Variants in ODC1 observed in about 807,000 individuals in gnomAD.
ODC1 encodes the protein ornithine decarboxylase 1.
A neutral mutation model predicts 41.5 loss-of-function variants in ODC1; 18 were observed. The observed-to-expected ratio is 0.43, with a 90% CI of 0.30 to 0.64. The LOEUF (loss-of-function observed/expected upper bound fraction) is 0.64, where lower values mean the gene tolerates loss of function less well. ODC1 is among the 30% of genes least tolerant of loss of function. The pLI, the probability that ODC1 is intolerant of heterozygous loss-of-function variation, is 0.11. For synonymous variants in ODC1, 218 were observed against 211.6 expected, an observed-to-expected ratio of 1.03 and a Z score of -0.26; for missense variants, 504 against 589.0, an observed-to-expected ratio of 0.86 and a Z score of 1.49.
At chr2:10,446,083 C>T (rs1352441562) in intron 1 of ODC1, among the ~76,000 whole-genome samples, 3 of 151,392 alleles carry the variant, frequency 2.0e-5, no homozygotes, top group Non-Finnish European at 2.9e-5. Flanking sequence ...ATCTTCAAGT[C>T]AACTTATCAC....
At position 10,445,021 on chromosome 2, in the gene ODC1, A is replaced by G. The variant is rs758358672; in HGVS notation, c.12T>C (p.Phe4=). Residue 4 remains phenylalanine, a synonymous_variant, in exon 3 of 12, where the codon TTT becomes TTC. Transcript: ENST00000234111. ...AGTGGCAGTCAAACTCTTCATTACC[A>G]AAGTTGTTCATGATTTCTTGATGTT... MNN[F]GNEEFDCHFL... 1.9e-6 allele frequency: 3 copies of G among 1,610,972 alleles called. No individual in the cohort carries two copies. Among genetic ancestry groups the G allele is most frequent in the African/African-American group, 1.3e-5 (1 of 74,884 alleles).
intron 1 of ODC1, among the ~76,000 whole-genome samples, chr2:10,447,292 T>A (rs1672056200): frequency 1.3e-5 from 2 of 152,240 alleles, no homozygotes; most frequent in Non-Finnish European, 2.9e-5. Context: ...AGATAGGGGC[T>A]AATTCAAACA....
At position 10,442,478 on chromosome 2, in the gene ODC1, C is replaced by T. The variant is rs550659631; in HGVS notation, c.751-304G>A. Among the ~76,000 whole-genome samples, 179 of 152,320 alleles carry T rather than the reference C, an allele frequency of 1.2e-3. 1 individual carries two copies. Among genetic ancestry groups the T allele is most frequent in the African/African-American group, 4.1e-3 (169 of 41,566 alleles). Reference sequence around the variant, plus strand: ...CTAGGAAGGCATCAAGATGTCAAAACATTTTAACAAATACATGCCAACAGG... The same window carrying T: ...CTAGGAAGGCATCAAGATGTCAAAATATTTTAACAAATACATGCCAACAGG... On this transcript the variant is annotated intron_variant, in intron 8 of 11. Transcript: ENST00000234111.
chr2:10,443,136 T>C (rs1248975202), intron 8 of ODC1, 94 bp downstream of exon 8: 10 of 911,544 alleles, frequency 1.1e-5, no homozygotes, highest in Middle Eastern at 2.2e-4. Context: ...CTTCAGCCCA[T>C]TGTGGTATTA....
rs1419748097 is a variant in ODC1 at position 10,440,696 on chromosome 2, T to G, written c.*28A>C. 1.2e-6 allele frequency: 2 copies of G among 1,602,946 alleles called. No individual in the cohort carries two copies. Among genetic ancestry groups the G allele is most frequent in the Non-Finnish European group, 1.7e-6 (2 of 1,173,044 alleles). On this transcript the variant is annotated 3_prime_UTR_variant, in exon 12 of 12. Transcript: ENST00000234111. ...CCAAATCCCTTAATTCAAGCTAAACTTGCAGTTAACAGCTACCAGAGTGCT... is the reference window on the plus strand; with the variant it reads ...CCAAATCCCTTAATTCAAGCTAAACGTGCAGTTAACAGCTACCAGAGTGCT...
In ODC1 at chr2:10,441,810, A is replaced by G. The variant is rs1671830089; in HGVS notation, c.1026+7T>C. 1.2e-6 allele frequency: 2 copies of G among 1,613,870 alleles called. No homozygotes were observed. The highest frequency in any genetic ancestry group is 1.1e-5 in the South Asian group (1 of 91,066). On this transcript the variant is annotated splice_region_variant and intron_variant, in intron 10 of 11. Transcript: ENST00000234111. ...TAATTGTTTTATACAGTATGCTCAGAAATTACCTTTTGCAGAAGGGGCTTT... is the reference window on the plus strand; with the variant it reads ...TAATTGTTTTATACAGTATGCTCAGGAATTACCTTTTGCAGAAGGGGCTTT...
chr2:10,447,721 T>A (rs1308832489), intron 1 of ODC1: 1 of 151,970 alleles, frequency 6.6e-6, no homozygotes, highest in African/African-American at 2.4e-5. Flanking sequence ...CGGGGCCCGC[T>A]CGTCTGTACC....
Position 10,441,969 on chromosome 2 carries a change from C to T in ODC1, c.914-40G>A, listed in dbSNP as rs1443542434. 1.9e-6 allele frequency: 3 copies of T among 1,613,148 alleles called. No homozygotes were observed. The Admixed American group carries it at 5.0e-5, about 27-fold the overall frequency. ...CAACAATCTTAATGACTTTTTGCAT[C>T]AGCTTTCAGTTATACATGAAGTGAT... On this transcript the variant is annotated intron_variant, in intron 9 of 11. Transcript: ENST00000234111.
intron 5 of ODC1, 42 bp downstream of exon 5, chr2:10,444,053 C>T (rs778209327): frequency 2.6e-6 from 4 of 1,537,756 alleles, no homozygotes; most frequent in Admixed American, 2.1e-5. Flanking sequence ...ATCCACATAT[C>T]TTATGCTCCC....
rs769934788 is a variant in ODC1, at chr2:10,442,127, G to A, written c.798C>T (p.Asp266=). The A allele has an allele frequency of 6.2e-7, 1 of 1,613,944 alleles. No homozygotes were observed. Among genetic ancestry groups the A allele is most frequent in the Non-Finnish European group, 8.5e-7 (1 of 1,179,958 alleles). ...NPALDKYFPS[D]SGVRIIAEPG... ...GCTCAGCTATGATTCTCACTCCAGA[G>A]TCTGACGGAAAGTATTTGTCCAACG... is the stretch of plus-strand genomic sequence containing the variant. Residue 266 remains aspartate (D), a synonymous_variant, in exon 9 of 12, where the codon GAC becomes GAT. Coordinates refer to ENST00000234111, the MANE Select transcript of ODC1 (RefSeq NM_002539.3).
chr2:10,440,899 C>A (rs1302834977), intron 11 of ODC1, 31 bp from the exon 12 acceptor site: 1 of 1,612,940 alleles, frequency 6.2e-7, no homozygotes, highest in Admixed American at 1.7e-5. Flanking sequence ...TATTAAAAAC[C>A]CTGACTCACT....
At chr2:10,441,461 G>A in intron 11 of ODC1, 48 bp downstream of exon 11, 1 of 1,564,838 alleles carries the variant, frequency 6.4e-7, no homozygotes, top group East Asian at 2.3e-5. Flanking sequence ...ACACATCCAA[G>A]AAGGTGCCTA....
intron 8 of ODC1, among the ~76,000 whole-genome samples, chr2:10,442,517 T>C (rs1021332400): frequency 3.3e-5 from 5 of 152,230 alleles, no homozygotes; most frequent in Admixed American, 6.5e-5. Context: ...AAAATCCTAT[T>C]CTGCCTACGT....
At chr2:10,443,354 A>C (rs889771030) in intron 7 of ODC1, 41 bp from the exon 8 acceptor site, 2 of 1,589,960 alleles carry the variant, frequency 1.3e-6, no homozygotes, top group Non-Finnish European at 1.7e-6. Flanking sequence ...CACAGCTAAT[A>C]ACAAAAATGT....
At chr2:10,444,676 A>C in intron 3 of ODC1, 29 bp from the exon 4 acceptor site, 2 of 1,592,784 alleles carry the variant, frequency 1.3e-6, no homozygotes, top group South Asian at 2.3e-5. Flanking sequence ...CAGGTGACTC[A>C]CTAGCAGCCT....
At chr2:10,447,092 A>T (rs1241815568) in intron 1 of ODC1, among the ~76,000 whole-genome samples, 1 of 152,216 alleles carries the variant, frequency 6.6e-6, no homozygotes, top group Non-Finnish European at 1.5e-5. Context: ...GGCAATGTTC[A>T]GGCCTAAACT....
rs1483263101 is a variant in ODC1, at chr2:10,445,011, C to T, written c.22G>A (p.Glu8Lys). Residue 8 changes from glutamate (E) to lysine (K), a missense_variant, in exon 3 of 12, where the codon GAG (glutamate) becomes AAG (lysine). Coordinates refer to ENST00000234111, the MANE Select transcript of ODC1 (RefSeq NM_002539.3). The part of the protein sequence containing the change: MNNFGNE[E>K]FDCHFLDEGF... ...TCATCGAGGAAGTGGCAGTCAAACT[C>T]TTCATTACCAAAGTTGTTCATGATT... The T allele has an allele frequency of 6.2e-7, 1 of 1,612,752 alleles. No individual in the cohort carries two copies. Among genetic ancestry groups the T allele is most frequent in the Non-Finnish European group, 8.5e-7 (1 of 1,178,766 alleles).
rs762066558 is a variant in ODC1, at chr2:10,443,543, G to C, written c.613C>G (p.Pro205Ala). 1 of 1,614,020 alleles carries C rather than the reference G, an allele frequency of 6.2e-7. No individual in the cohort carries two copies. Among genetic ancestry groups the C allele is most frequent in the South Asian group, 1.1e-5 (1 of 91,086 alleles). The change falls in exon 7 of 12, where the codon CCT becomes GCT. Residue 205 changes from proline to alanine, a missense_variant. Pro to Ala is a conservative substitution (Grantham distance 27). Around this residue, in one of 3 missense-constraint regions of ODC1, gnomAD observed 447 missense variants for 524.4 expected, o/e 0.85. Coordinates refer to ENST00000234111, the MANE Select transcript of ODC1 (RefSeq NM_002539.3). The part of the protein sequence containing the change: ...SFHVGSGCTD[P>A]ETFVQAISDA... ...GAGATTGCCTGCACGAAGGTCTCAG[G>C]ATCGGTACAGCCGCTTCCTACATGG...
Position 10,443,531 on chromosome 2 carries a change from C to A in ODC1, c.625G>T (p.Val209Leu), listed in dbSNP as rs1438106441. 2 of 1,613,878 alleles carry A rather than the reference C, an allele frequency of 1.2e-6. No homozygotes were observed. Among genetic ancestry groups the A allele is most frequent in the African/African-American group, 1.3e-5 (1 of 74,904 alleles). Residue 209 changes from valine (V) to leucine (L), a missense_variant, in exon 7 of 12, where the codon GTG becomes TTG. Val to Leu is a conservative substitution (Grantham distance 32, BLOSUM62 1). Around this residue, in one of 3 missense-constraint regions of ODC1, gnomAD observed 447 missense variants for 524.4 expected, o/e 0.85. Coordinates refer to ENST00000234111, the MANE Select transcript of ODC1 (RefSeq NM_002539.3). The stretch of plus-strand genomic sequence containing the variant: ...CAGCGGGCATCAGAGATTGCCTGCA[C>A]GAAGGTCTCAGGATCGGTACAGCCG... Reference protein sequence around the residue: ...GSGCTDPETFVQAISDARCVF... With the variant: ...GSGCTDPETFLQAISDARCVF...
Sources: gnomAD v4.1 joint callset for allele counts (sites outside exome capture counted in the v4.1 genomes callset) on GRCh38, gnomAD v4.1.1 for gene constraint, gnomAD v4.1.1 regional missense constraint, MANE v1.5 for transcripts, NCBI Gene and HGNC (gene_info 2026-07-23, HGNC 2026-07-21) for gene names.